The following CRCP variants were observed in gnomAD, a reference collection of about 807,000 sequenced individuals.
CRCP encodes DNA-directed RNA polymerase III subunit RPC9.
In CRCP, 18 loss-of-function variants were observed where a neutral mutation model predicts 18.5. The ratio of observed to expected loss-of-function variants is 0.97; its 90% confidence interval spans 0.67 to 1.44. The LOEUF (loss-of-function observed/expected upper bound fraction) is 1.44, where lower values mean the gene tolerates loss of function less well. Ranked by LOEUF, CRCP falls within the 40% of genes most tolerant of loss-of-function variation. CRCP has a pLI of 0.00. For missense variants in CRCP, 130 were observed against 176.4 expected, an observed-to-expected ratio of 0.74 and a Z score of 1.49; for synonymous variants, 53 against 62.9, an observed-to-expected ratio of 0.84 and a Z score of 0.75.
intron 3 of CRCP, among the ~76,000 whole-genome samples, chr7:66,132,043 G>A (rs1787824103): frequency 6.6e-6 from 1 of 152,290 alleles, no homozygotes; most frequent in South Asian, 2.1e-4. Flanking sequence ...TTACAGGCGT[G>A]AGCCACCGTG....
chr7:66,134,372 C>T lies in CRCP; in HGVS notation c.237C>T (p.Thr79=). The change falls in exon 4 of 6, where the codon ACC becomes ACT. Residue 79 remains threonine (T), a splice_region_variant and synonymous_variant. Coordinates refer to ENST00000395326, the MANE Select transcript of CRCP (RefSeq NM_014478.5). ...FLTALKSHKL[T]KAEKLQLLNH... ...CAGCATTGAAAAGCCACAAGTTGAC[C>T]AAGTAAGTAAATCTCTTAAGTAGGA... 2 of 1,595,602 alleles carry T rather than the reference C, an allele frequency of 1.3e-6. No individual in the cohort carries two copies. The highest frequency in any genetic ancestry group is 2.2e-5 in the South Asian group (2 of 89,288).
chr7:66,117,172 A>G (rs1220898889), intron 1 of CRCP, among the ~76,000 whole-genome samples: 2 of 150,208 alleles, frequency 1.3e-5, no homozygotes, highest in Non-Finnish European at 3.0e-5. Context: ...TCAGAGGTTG[A>G]TTTTCTGGCC....
In CRCP at chr7:66,114,922, T is replaced by A. The variant is rs1452217339; in HGVS notation, c.-41T>A. ...CGGAGACAGCTGTGAAGTGTGAGGT[T>A]CTTTGTCTGCTGGCAGCTAGGGGCG... On this transcript the variant is annotated 5_prime_UTR_variant, in exon 1 of 6. Transcript: ENST00000395326. 3 of 1,611,052 alleles carry A rather than the reference T, an allele frequency of 1.9e-6. No individual in the cohort carries two copies. Among genetic ancestry groups the A allele is most frequent in the African/African-American group, 1.3e-5 (1 of 74,820 alleles).
intron 4 of CRCP, among the ~76,000 whole-genome samples, chr7:66,139,118 TC>T (rs1302530897): frequency 6.6e-6 from 1 of 152,214 alleles, no homozygotes; most frequent in African/African-American, 2.4e-5. Context: ...CTCTTTTTTT[TC>T]CTGTCTCTTT....
At chr7:66,146,531 C>T (rs1418577384) in intron 5 of CRCP, among the ~76,000 whole-genome samples, 1 of 151,958 alleles carries the variant, frequency 6.6e-6, no homozygotes, top group Admixed American at 6.6e-5. Flanking sequence ...AAATACTTAG[C>T]TCTTTGTCAA....
intron 1 of CRCP, among the ~76,000 whole-genome samples, chr7:66,118,645 T>C (rs931116142): frequency 1.3e-5 from 2 of 152,224 alleles, no homozygotes; most frequent in South Asian, 4.1e-4. Flanking sequence ...AACGGTGTAG[T>C]ATTTGCATAT....
intron 5 of CRCP, among the ~76,000 whole-genome samples, chr7:66,148,204 A>C (rs1788356174): frequency 5.9e-5 from 9 of 152,106 alleles, no homozygotes; most frequent in Admixed American, 5.9e-4. Context: ...CCTACTAAAA[A>C]TACAGAAATT....
At chr7:66,141,830 T>C (rs1324026088) in intron 4 of CRCP, among the ~76,000 whole-genome samples, 1 of 152,080 alleles carries the variant, frequency 6.6e-6, no homozygotes, top group Non-Finnish European at 1.5e-5. Context: ...TGAAAGTGGC[T>C]TGGTTCTGAA....
intron 5 of CRCP, among the ~76,000 whole-genome samples, chr7:66,149,972 A>T: frequency 6.6e-6 from 1 of 152,108 alleles, no homozygotes; most frequent in East Asian, 2.0e-4. Flanking sequence ...ACGCCCAGCT[A>T]ATTTTTTGTA....
At chr7:66,145,186 CCT>C (rs1337143177) in intron 4 of CRCP, among the ~76,000 whole-genome samples, 1 of 152,114 alleles carries the variant, frequency 6.6e-6, no homozygotes, top group Non-Finnish European at 1.5e-5. Flanking sequence ...AAATGACCCC[CCT>C]GTTTTTAAAA....
At chr7:66,133,360 T>G (rs1295701860) in intron 3 of CRCP, among the ~76,000 whole-genome samples, 1 of 151,880 alleles carries the variant, frequency 6.6e-6, no homozygotes, top group East Asian at 1.9e-4. Flanking sequence ...AAAAAGAAAT[T>G]AGCCGGGCGT....
chr7:66,152,192 TTC>T lies in CRCP; in HGVS notation c.298-14_298-13del. On this transcript the variant is annotated splice_polypyrimidine_tract_variant and intron_variant, in intron 5 of 5. Coordinates refer to ENST00000395326, the MANE Select transcript of CRCP (RefSeq NM_014478.5). ...GTTTCATTTGTAACCCTGGAGGATT[TTC>T]TTTCCTTCTGCAGATGGTGGAAGAG... The T allele has an allele frequency of 6.2e-7, 1 of 1,613,920 alleles. No homozygotes were observed. Among genetic ancestry groups the T allele is most frequent in the Non-Finnish European group, 8.5e-7 (1 of 1,179,922 alleles).
intron 1 of CRCP, among the ~76,000 whole-genome samples, chr7:66,124,602 T>C (rs1313542249): frequency 6.6e-6 from 1 of 151,360 alleles, no homozygotes; most frequent in Non-Finnish European, 1.5e-5. Context: ...CAGGCTGGAT[T>C]CAAACTCCGG....
At chr7:66,116,281 A>G (rs1787258873) in intron 1 of CRCP, among the ~76,000 whole-genome samples, 1 of 151,776 alleles carries the variant, frequency 6.6e-6, no homozygotes, top group Non-Finnish European at 1.5e-5. Context: ...GATCACTTGA[A>G]CCTGGGAGGT....
At chr7:66,128,936 C>A (rs186434527) in intron 2 of CRCP, among the ~76,000 whole-genome samples, 81 of 152,066 alleles carry the variant, frequency 5.3e-4, no homozygotes, top group African/African-American at 1.8e-3. Context: ...CAGTGTCTCA[C>A]GCCTGTAATC....
intron 1 of CRCP, among the ~76,000 whole-genome samples, chr7:66,121,854 T>C (rs1056274193): frequency 6.6e-6 from 1 of 152,156 alleles, no homozygotes; most frequent in Non-Finnish European, 1.5e-5. Context: ...AGGTGGGTAA[T>C]AGGTACTATA....
chr7:66,139,506 G>T (rs555565613), intron 4 of CRCP, among the ~76,000 whole-genome samples: 1 of 152,094 alleles, frequency 6.6e-6, no homozygotes, highest in Non-Finnish European at 1.5e-5. Context: ...TCGTATTTTC[G>T]TGGTCGAGGT....
At chr7:66,134,705 T>TAG (rs1181024024) in intron 4 of CRCP, among the ~76,000 whole-genome samples, 1 of 152,164 alleles carries the variant, frequency 6.6e-6, no homozygotes, top group African/African-American at 2.4e-5. Context: ...AAGGCAAATT[T>TAG]AGGTCATAGG....
At chr7:66,145,328 C>A in intron 4 of CRCP, 115 bp from the exon 5 acceptor site, 1 of 1,012,342 alleles carries the variant, frequency 9.9e-7, no homozygotes, top group Non-Finnish European at 1.5e-6. Context: ...GAACTGAGGG[C>A]CACACTCCAG....
Sources: gnomAD v4.1 joint callset for allele counts (sites outside exome capture counted in the v4.1 genomes callset) on GRCh38, gnomAD v4.1.1 for gene constraint, MANE v1.5 for transcripts, NCBI Gene and HGNC (gene_info 2026-07-23, HGNC 2026-07-21) for gene names.